Variants in MTUS2 observed in about 807,000 individuals in gnomAD.
The protein encoded by MTUS2 is microtubule-associated tumor suppressor candidate 2.
MTUS2 carries 40 observed loss-of-function variants against 114.1 expected under a neutral mutation model. The observed-to-expected ratio is 0.35, with a 90% CI of 0.27 to 0.46. The LOEUF is 0.46. MTUS2 is among the 20% of genes least tolerant of loss of function. The probability of loss-of-function intolerance (pLI) is 1.00; values close to 1 mark genes in which losing one functional copy is unlikely to be tolerated. For missense variants in MTUS2, 1,679 were observed against 1,705.4 expected (o/e 0.98, Z 0.27); for synonymous variants, 688 against 672.0 (o/e 1.02, Z -0.37).
chr13:29,097,069 C>T (rs1213411667), intron 4 of MTUS2, among the ~76,000 whole-genome samples: 1 of 152,092 alleles, frequency 6.6e-6, no homozygotes, highest in Non-Finnish European at 1.5e-5. Context: ...GGTGGCCTGC[C>T]CATCCCAGGA....
At chr13:29,441,689 T>A (rs1877888490) in intron 9 of MTUS2, among the ~76,000 whole-genome samples, 3 of 152,102 alleles carry the variant, frequency 2.0e-5, no homozygotes, top group Admixed American at 2.0e-4. Flanking sequence ...GTTTCTGTTC[T>A]TCTCTAAGGA....
At chr13:29,259,714 T>C (rs965134634) in intron 5 of MTUS2, among the ~76,000 whole-genome samples, 3 of 152,196 alleles carry the variant, frequency 2.0e-5, no homozygotes, top group African/African-American at 4.8e-5. Context: ...GCGTTACTAA[T>C]AAAAATGAAT....
intron 2 of MTUS2, among the ~76,000 whole-genome samples, chr13:29,013,841 C>T (rs967835071): frequency 1.3e-5 from 2 of 152,212 alleles, no homozygotes; most frequent in African/African-American, 4.8e-5. Context: ...ATCTCATTTC[C>T]CCACCCCTTC....
chr13:29,233,320 A>C (rs773204016), intron 5 of MTUS2, among the ~76,000 whole-genome samples: 7 of 152,200 alleles, frequency 4.6e-5, no homozygotes, highest in Middle Eastern at 6.8e-3. Flanking sequence ...CTTGGCTTAG[A>C]CAATCGGTGA....
intron 8 of MTUS2, among the ~76,000 whole-genome samples, chr13:29,401,013 A>G (rs763893448): frequency 6.6e-6 from 1 of 151,974 alleles, no homozygotes; most frequent in Non-Finnish European, 1.5e-5. Flanking sequence ...TTTGAGCTGG[A>G]GTCTTGCTCT....
intron 6 of MTUS2, among the ~76,000 whole-genome samples, chr13:29,319,614 C>T (rs903960013): frequency 3.9e-5 from 6 of 152,142 alleles, no homozygotes; most frequent in Non-Finnish European, 8.8e-5. Context: ...AGCTCTGATC[C>T]AGCAGGCCTG....
At chr13:28,906,500 A>G (rs1880023448) in intron 2 of MTUS2, among the ~76,000 whole-genome samples, 1 of 151,220 alleles carries the variant, frequency 6.6e-6, no homozygotes, top group Non-Finnish European at 1.5e-5. Flanking sequence ...TTCTGCCTTC[A>G]TTTCGTTATG....
intron 5 of MTUS2, among the ~76,000 whole-genome samples, chr13:29,206,041 T>C (rs1895171860): frequency 6.6e-6 from 1 of 152,238 alleles, no homozygotes; most frequent in African/African-American, 2.4e-5. Context: ...TATACAAGTG[T>C]TCCCTTTTCA....
chr13:29,149,116 A>G (rs1892564361), intron 5 of MTUS2, among the ~76,000 whole-genome samples: 3 of 152,180 alleles, frequency 2.0e-5, no homozygotes, highest in Admixed American at 6.5e-5. Flanking sequence ...ATCTTCCACA[A>G]TGTCAGTTGA....
chr13:29,128,922 T>A (rs545998572), intron 5 of MTUS2, among the ~76,000 whole-genome samples: 12 of 152,310 alleles, frequency 7.9e-5, no homozygotes, highest in Non-Finnish European at 1.2e-4. Context: ...GAGGAAAACC[T>A]TCATCTTTGA....
chr13:28,994,998 T>A (rs1402333662), intron 2 of MTUS2, among the ~76,000 whole-genome samples: 1 of 152,164 alleles, frequency 6.6e-6, no homozygotes, highest in Non-Finnish European at 1.5e-5. Flanking sequence ...CTGAATGGTA[T>A]TGCCTAGGTT....
chr13:29,078,384 A>G (rs539135473), intron 4 of MTUS2, among the ~76,000 whole-genome samples: 62 of 152,332 alleles, frequency 4.1e-4, no homozygotes, highest in African/African-American at 1.5e-3. Context: ...AGGCCCTTTG[A>G]AAGTGAAGAT....
chr13:29,095,325 A>AT (rs2138795888), intron 4 of MTUS2, among the ~76,000 whole-genome samples: 1 of 152,192 alleles, frequency 6.6e-6, no homozygotes, highest in South Asian at 2.1e-4. Context: ...TAATTTGGGT[A>AT]TCTGTTGTTA....
intron 5 of MTUS2, among the ~76,000 whole-genome samples, chr13:29,171,239 C>G (rs1893548742): frequency 6.6e-6 from 1 of 151,986 alleles, no homozygotes; most frequent in Admixed American, 6.6e-5. Context: ...ATTTTTTGTT[C>G]AGGTTCTAGT....
chr13:29,173,600 C>T (rs533001720), intron 5 of MTUS2, among the ~76,000 whole-genome samples: 1 of 152,158 alleles, frequency 6.6e-6, no homozygotes, highest in Non-Finnish European at 1.5e-5. Context: ...TCTTTCATTT[C>T]TTTAGGAAAG....
In MTUS2 at chr13:29,026,708, C is replaced by A. The variant is rs201782065; in HGVS notation, c.2010C>A (p.Ala670=). The A allele has an allele frequency of 3.7e-5, 59 of 1,613,956 alleles. No homozygotes were observed. The African/African-American group carries it at 6.4e-4, about 18-fold the overall frequency. ...ASLVPVGLPY[A]PPTCTMPLPH... ...TGGTTCCAGTGGGGCTTCCATATGCCCCGCCCACATGTACCATGCCTCTTC... is the reference window on the plus strand; with the variant it reads ...TGGTTCCAGTGGGGCTTCCATATGCACCGCCCACATGTACCATGCCTCTTC... The change falls in exon 3 of 16, where the codon GCC becomes GCA. Residue 670 remains alanine (A), a synonymous_variant. Coordinates refer to ENST00000612955, the MANE Select transcript of MTUS2 (RefSeq NM_001033602.4).
chr13:29,489,406 T>A (rs1881891971), intron 11 of MTUS2, among the ~76,000 whole-genome samples: 1 of 152,262 alleles, frequency 6.6e-6, no homozygotes, highest in African/African-American at 2.4e-5. Flanking sequence ...AACCAAGGTC[T>A]GTGTTATTGT....
At chr13:29,229,447 AT>A (rs1238165104) in intron 5 of MTUS2, among the ~76,000 whole-genome samples, 2 of 152,120 alleles carry the variant, frequency 1.3e-5, no homozygotes, top group Admixed American at 1.3e-4. Flanking sequence ...TCCCATTGAC[AT>A]TTTCATGGAG....
intron 3 of MTUS2, among the ~76,000 whole-genome samples, chr13:29,029,447 A>G (rs918489573): frequency 6.6e-6 from 1 of 152,024 alleles, no homozygotes; most frequent in Admixed American, 6.5e-5. Context: ...ATAGTGAGTC[A>G]TTTTCAAATT....
Sources: allele counts gnomAD v4.1 joint callset (sites outside exome capture counted in the v4.1 genomes callset), GRCh38; gene constraint gnomAD v4.1.1; transcripts MANE v1.5; gene names NCBI Gene and HGNC (gene_info 2026-07-23, HGNC 2026-07-21).